Variants in RFX4 observed in about 807,000 individuals in gnomAD.
RFX4 encodes the protein regulatory factor X4.
A neutral mutation model predicts 95.0 loss-of-function variants in RFX4; 10 were observed. The observed-to-expected ratio is 0.11, with a 90% CI of 0.06 to 0.18. The LOEUF is 0.18. RFX4 is among the 10% of genes least tolerant of loss of function. The probability of loss-of-function intolerance (pLI) is 1.00; values close to 1 mark genes in which losing one functional copy is unlikely to be tolerated. For synonymous variants in RFX4, 321 were observed against 340.7 expected, an observed-to-expected ratio of 0.94 and a Z score of 0.64; for missense variants, 640 against 922.0, an observed-to-expected ratio of 0.69 and a Z score of 3.96.
intron 8 of RFX4, among the ~76,000 whole-genome samples, chr12:106,698,886 GCTTT>G (rs1032860272): frequency 1.3e-5 from 2 of 151,760 alleles, no homozygotes; most frequent in African/African-American, 4.8e-5. Context: ...CTGGTTTCTT[GCTTT>G]CTGTTTTCAA....
chr12:106,733,210 C>T (rs2042646736), intron 15 of RFX4, 125 bp downstream of exon 15: 4 of 1,016,948 alleles, frequency 3.9e-6, no homozygotes, highest in Non-Finnish European at 6.0e-6. Flanking sequence ...TTGGCTCACA[C>T]CTGTAGTCCC....
chr12:106,709,589 C>A (rs1283903196), intron 9 of RFX4, among the ~76,000 whole-genome samples, 159 bp downstream of exon 9: 1 of 152,096 alleles, frequency 6.6e-6, no homozygotes, highest in Non-Finnish European at 1.5e-5. Flanking sequence ...TATATTTAAT[C>A]CTCATAAAAT....
intron 16 of RFX4, among the ~76,000 whole-genome samples, chr12:106,750,421 G>C (rs983048072): frequency 6.8e-6 from 1 of 146,014 alleles, no homozygotes; most frequent in African/African-American, 2.6e-5. Flanking sequence ...AGGTTGCAGT[G>C]AGCCAAGATC....
chr12:106,680,207 T>TG (rs2041479385), intron 4 of RFX4, among the ~76,000 whole-genome samples: 1 of 152,180 alleles, frequency 6.6e-6, no homozygotes, highest in Non-Finnish European at 1.5e-5. Flanking sequence ...TGTCAACGAT[T>TG]CTCTGATGCT....
At chr12:106,687,549 C>CAA (rs34562413) in intron 6 of RFX4, among the ~76,000 whole-genome samples, 3 of 73,884 alleles carry the variant, frequency 4.1e-5, no homozygotes, top group East Asian at 4.4e-4. Context: ...AACTCCATCT[C>CAA]AAAAAAAAAA....
At chr12:106,649,381 T>C (rs1213155946) in intron 3 of RFX4, among the ~76,000 whole-genome samples, 1 of 152,228 alleles carries the variant, frequency 6.6e-6, no homozygotes, top group Non-Finnish European at 1.5e-5. Flanking sequence ...ATCCATTTGT[T>C]CATAGAGCTT....
chr12:106,584,060 C>T (rs1255639548), intron 1 of RFX4, among the ~76,000 whole-genome samples: 2 of 152,168 alleles, frequency 1.3e-5, no homozygotes, highest in Non-Finnish European at 2.9e-5. Context: ...CAGACTGGCC[C>T]GCTAAACTCG....
At chr12:106,637,321 C>A (rs1437580548) in intron 2 of RFX4, among the ~76,000 whole-genome samples, 4 of 152,130 alleles carry the variant, frequency 2.6e-5, no homozygotes, top group Non-Finnish European at 4.4e-5. Context: ...CAGAATTACA[C>A]CAATATTGAT....
chr12:106,644,524 C>A (rs1026907955), intron 3 of RFX4, among the ~76,000 whole-genome samples: 4 of 152,192 alleles, frequency 2.6e-5, no homozygotes, highest in African/African-American at 9.7e-5. Flanking sequence ...TGAGCCACCC[C>A]ACCCGGCGCC....
At chr12:106,636,093 C>G (rs2040505299) in intron 2 of RFX4, among the ~76,000 whole-genome samples, 1 of 152,166 alleles carries the variant, frequency 6.6e-6, no homozygotes, top group Admixed American at 6.6e-5. Context: ...GATACCACCC[C>G]TGCCTTCTCA....
At chr12:106,669,392 T>C (rs2041238245) in intron 4 of RFX4, among the ~76,000 whole-genome samples, 1 of 152,156 alleles carries the variant, frequency 6.6e-6, no homozygotes, top group African/African-American at 2.4e-5. Context: ...TAATTGGCAG[T>C]TTGGGTTGTG....
intron 15 of RFX4, among the ~76,000 whole-genome samples, chr12:106,746,355 CAAAAAAAAA>C (rs531874659): frequency 1.5e-5 from 1 of 67,284 alleles, no homozygotes; most frequent in South Asian, 4.7e-4. Flanking sequence ...GACTCCATCT[CAAAAAAAAA>C]AAAAAAAAAA....
intron 2 of RFX4, among the ~76,000 whole-genome samples, chr12:106,618,760 T>G (rs2040124184): frequency 6.6e-6 from 1 of 152,196 alleles, no homozygotes; most frequent in South Asian, 2.1e-4. Flanking sequence ...TTATTGAGTT[T>G]AAGTCAACAA....
At chr12:106,624,622 C>T (rs1428243998) in intron 2 of RFX4, among the ~76,000 whole-genome samples, 6 of 152,006 alleles carry the variant, frequency 3.9e-5, no homozygotes, top group African/African-American at 1.5e-4. Context: ...CCACCTCGCC[C>T]GGGCTTTTTT....
Position 106,666,373 on chromosome 12 carries a change from G to A in RFX4, c.315+12022G>A, listed in dbSNP as rs117417916. On this transcript the variant is annotated intron_variant, in intron 4 of 17. Coordinates refer to ENST00000392842, the MANE Select transcript of RFX4 (RefSeq NM_213594.3). ...ATATACCTTGATGTTGTTTTCCTGT[G>A]GTTTGGCTTTTTGTTGTTTATTTGA... Among the ~76,000 whole-genome samples, 839 of 151,960 alleles carry A rather than the reference G, an allele frequency of 5.5e-3. 7 individuals carry two copies. The highest frequency in any genetic ancestry group is 8.9e-3 in the Non-Finnish European group (603 of 67,910).
intron 4 of RFX4, among the ~76,000 whole-genome samples, chr12:106,672,244 G>A (rs1220180049): frequency 6.6e-6 from 1 of 152,184 alleles, no homozygotes; most frequent in Non-Finnish European, 1.5e-5. Context: ...AGAACGGACA[G>A]GGGAGATGAG....
intron 1 of RFX4, among the ~76,000 whole-genome samples, chr12:106,588,881 T>C (rs2039499335): frequency 6.6e-6 from 1 of 152,230 alleles, no homozygotes; most frequent in Admixed American, 6.5e-5. Flanking sequence ...ATTTTAAGAC[T>C]GATTTCTAAG....
At chr12:106,739,181 G>T (rs2042764000) in intron 15 of RFX4, among the ~76,000 whole-genome samples, 1 of 149,744 alleles carries the variant, frequency 6.7e-6, no homozygotes, top group African/African-American at 2.4e-5. Flanking sequence ...ATGAAACAAT[G>T]GTTAGCTTTA....
intron 3 of RFX4, among the ~76,000 whole-genome samples, chr12:106,646,250 T>C (rs1430828327): frequency 6.6e-6 from 1 of 151,558 alleles, no homozygotes; most frequent in Non-Finnish European, 1.5e-5. Context: ...GTACTGGGTA[T>C]AGGTGGAAAG....
Sources: gnomAD v4.1 joint callset for allele counts (sites outside exome capture counted in the v4.1 genomes callset) on GRCh38, gnomAD v4.1.1 for gene constraint, MANE v1.5 for transcripts, NCBI Gene and HGNC (gene_info 2026-07-23, HGNC 2026-07-21) for gene names.